DHX29: variants seen among roughly 807,000 people sequenced by gnomAD.
DHX29 encodes the protein DExH-box helicase 29, also known as ATP-dependent RNA helicase DHX29.
DHX29 carries 79 observed loss-of-function variants against 167.9 expected under a neutral mutation model. The observed-to-expected ratio is 0.47, with a 90% CI of 0.39 to 0.57. The LOEUF (loss-of-function observed/expected upper bound fraction) is 0.57, where lower values mean the gene tolerates loss of function less well. DHX29 is among the 20% of genes least tolerant of loss of function. The pLI is 0.00. For missense variants in DHX29, 1,347 were observed against 1,593.4 expected, an observed-to-expected ratio of 0.85 and a Z score of 2.63; for synonymous variants, 530 against 546.0, an observed-to-expected ratio of 0.97 and a Z score of 0.41.
At chr5:55,291,962 T>C (rs975150890) in intron 6 of DHX29, among the ~76,000 whole-genome samples, 3 of 152,236 alleles carry the variant, frequency 2.0e-5, no homozygotes, top group African/African-American at 7.2e-5. Context: ...TTAGCTATTG[T>C]GAATAATGCT....
chr5:55,277,944 C>G (rs923187395), intron 12 of DHX29, among the ~76,000 whole-genome samples: 3 of 149,160 alleles, frequency 2.0e-5, no homozygotes, highest in Admixed American at 1.3e-4. Context: ...AGGTATATCC[C>G]AAATTTCACT....
chr5:55,296,147 C>T, intron 4 of DHX29, 73 bp downstream of exon 4: 2 of 1,466,856 alleles, frequency 1.4e-6, no homozygotes, highest in Non-Finnish European at 9.1e-7. Context: ...GAGTATGAGC[C>T]AAAAGGTTGA....
intron 12 of DHX29, among the ~76,000 whole-genome samples, chr5:55,278,171 ATC>A (rs1747219519): frequency 6.6e-6 from 1 of 152,190 alleles, no homozygotes; most frequent in African/African-American, 2.4e-5. Flanking sequence ...GAACTTTAGT[ATC>A]TGTGGACTGT....
intron 8 of DHX29, among the ~76,000 whole-genome samples, chr5:55,286,096 T>C (rs918907603): frequency 2.0e-5 from 3 of 151,578 alleles, no homozygotes; most frequent in Non-Finnish European, 4.4e-5. Flanking sequence ...CTACTAAAAG[T>C]ACAAAAAAAT....
chr5:55,289,116 T>C, intron 8 of DHX29, 154 bp downstream of exon 8: 1 of 810,908 alleles, frequency 1.2e-6, no homozygotes, highest in Non-Finnish European at 1.7e-6. Flanking sequence ...GTAATCATAA[T>C]TGTTAATACT....
intron 10 of DHX29, among the ~76,000 whole-genome samples, 197 bp downstream of exon 10, chr5:55,285,096 C>A (rs969354560): frequency 6.6e-6 from 1 of 152,150 alleles, no homozygotes; most frequent in Admixed American, 6.5e-5. Context: ...CTCCAAAAGT[C>A]GGATCATCAT....
intron 21 of DHX29, 57 bp from the exon 22 acceptor site, chr5:55,267,879 A>C (rs555636828): frequency 7.4e-7 from 1 of 1,356,582 alleles, no homozygotes; most frequent in East Asian, 2.5e-5. Flanking sequence ...ATACAGTGAA[A>C]GTTAACTTAT....
intron 12 of DHX29, chr5:55,279,738 G>GTTT: frequency 9.0e-6 from 1 of 110,626 alleles, no homozygotes; most frequent in Non-Finnish European, 1.8e-5. Flanking sequence ...TGCTGTTTTT[G>GTTT]TTTTTTTTTT....
chr5:55,295,625 A>G, intron 4 of DHX29, 101 bp from the exon 5 acceptor site: 1 of 1,224,466 alleles, frequency 8.2e-7, no homozygotes, highest in Non-Finnish European at 1.1e-6. Flanking sequence ...GACTTAGAGC[A>G]CCTAATTTTC....
chr5:55,259,581 C>T (rs747341780), intron 26 of DHX29, among the ~76,000 whole-genome samples: 1 of 152,050 alleles, frequency 6.6e-6, no homozygotes, highest in Non-Finnish European at 1.5e-5. Context: ...CTCAGACTCC[C>T]GAGTAGCTGG....
chr5:55,282,442 G>C (rs933590803), intron 11 of DHX29, among the ~76,000 whole-genome samples: 1 of 152,070 alleles, frequency 6.6e-6, no homozygotes. Flanking sequence ...CAGAAACCGT[G>C]CCTTTTTTTT....
intron 14 of DHX29, among the ~76,000 whole-genome samples, chr5:55,275,265 T>A (rs903844451): frequency 1.3e-5 from 2 of 152,192 alleles, no homozygotes; most frequent in African/African-American, 4.8e-5. Flanking sequence ...GGCATATACA[T>A]ACTAAAAGAA....
intron 26 of DHX29, among the ~76,000 whole-genome samples, chr5:55,257,929 C>T (rs759468456): frequency 4.4e-4 from 67 of 152,174 alleles, no homozygotes; most frequent in Non-Finnish European, 7.2e-4. Context: ...AAAGAGCCCA[C>T]GTCTTAATAT....
chr5:55,302,770 A>G (rs903428857), intron 1 of DHX29, among the ~76,000 whole-genome samples: 1 of 152,190 alleles, frequency 6.6e-6, no homozygotes, highest in African/African-American at 2.4e-5. Flanking sequence ...GAGTTTCTGA[A>G]AAATGATCAG....
intron 6 of DHX29, among the ~76,000 whole-genome samples, chr5:55,292,173 T>G (rs940889192): frequency 1.3e-5 from 2 of 152,192 alleles, no homozygotes; most frequent in Non-Finnish European, 2.9e-5. Flanking sequence ...TCTACATCCC[T>G]GTCAACATTT....
Position 55,272,090 on chromosome 5 carries a change from T to C in DHX29, c.2861A>G (p.Asn954Ser), listed in dbSNP as rs762342192. ...GATTTGGGAAATTTAAACTTACTTA[T>C]TTTCTTTTGTTCTTCCAGTATCAAT... ...FVIDTGRTKENKYHESSQMSS... is the reference protein window; with the variant it reads ...FVIDTGRTKESKYHESSQMSS... Residue 954 changes from asparagine to serine, a missense_variant, in exon 18 of 27, where the codon AAT becomes AGT. Asn to Ser is a conservative substitution (Grantham distance 46). Transcript: ENST00000251636. 4 of 1,553,396 alleles carry C rather than the reference T, an allele frequency of 2.6e-6. No homozygotes were observed. The highest frequency in any genetic ancestry group is 3.5e-6 in the Non-Finnish European group (4 of 1,138,776).
Position 55,283,888 on chromosome 5 carries a change from T to C in DHX29, c.1357-77A>G, listed in dbSNP as rs781193434. 141 of 1,208,498 alleles carry C rather than the reference T, an allele frequency of 1.2e-4. 1 individual carries two copies. Among genetic ancestry groups the C allele is most frequent in the South Asian group, 1.5e-4 (9 of 61,596 alleles). The allele number at this position is 1,208,498 out of a possible 1,614,324, so 74.9% of individuals were successfully genotyped here. A position where few individuals can be genotyped will look rare whatever the true frequency, so the allele number is the denominator to read the frequency against. On this transcript the variant is annotated intron_variant, in intron 10 of 26. Coordinates refer to ENST00000251636, the MANE Select transcript of DHX29 (RefSeq NM_019030.4). ...TTCAATAGATTAGCACTTAAAAGGA[T>C]AGCTATATTCATCTTAAAATATAAT...
chr5:55,262,720 A>G lies in DHX29; in HGVS notation c.3738T>C (p.Ile1246=). The part of the protein sequence containing the change: ...SVDVTEKLAC[I]VETAQGKAQV... ...GTGCTTTGCCTTGGGCCGTCTCCACAATGCAAGCCAATTTTTCTGTAACAT... is the reference window on the plus strand; with the variant it reads ...GTGCTTTGCCTTGGGCCGTCTCCACGATGCAAGCCAATTTTTCTGTAACAT... The change falls in exon 24 of 27, where the codon ATT becomes ATC. Residue 1246 remains isoleucine (I), a synonymous_variant. Coordinates refer to ENST00000251636, the MANE Select transcript of DHX29 (RefSeq NM_019030.4). 6.2e-7 allele frequency: 1 copy of G among 1,614,044 alleles called. No homozygotes were observed. The highest frequency in any genetic ancestry group is 8.5e-7 in the Non-Finnish European group (1 of 1,179,972).
chr5:55,265,237 T>C (rs1285958494), intron 23 of DHX29, among the ~76,000 whole-genome samples: 3 of 144,452 alleles, frequency 2.1e-5, no homozygotes, highest in Non-Finnish European at 4.5e-5. Flanking sequence ...AATGAAACAA[T>C]AGGTCTGAGT....
Sources: allele counts gnomAD v4.1 joint callset (sites outside exome capture counted in the v4.1 genomes callset), GRCh38; gene constraint gnomAD v4.1.1; transcripts MANE v1.5; gene names NCBI Gene and HGNC (gene_info 2026-07-23, HGNC 2026-07-21).